Variants in ANXA10 observed in about 807,000 individuals in gnomAD.
ANXA10 encodes annexin A10, also known as annexin 14.
In ANXA10, 49 loss-of-function variants were observed where a neutral mutation model predicts 53.5. The ratio of observed to expected loss-of-function variants is 0.92; its 90% CI spans 0.73 to 1.16. ANXA10 has a LOEUF of 1.16. Among genes scored for constraint, ANXA10 ranks in the 50% most tolerant of loss-of-function variants. ANXA10 has a pLI of 0.00. For synonymous variants in ANXA10, 131 were observed against 128.9 expected (o/e 1.02, Z -0.11); for missense variants, 393 against 394.4 (o/e 1.00, Z 0.03).
chr4:168,121,196 T>G (rs986727349), intron 1 of ANXA10, among the ~76,000 whole-genome samples: 11 of 152,090 alleles, frequency 7.2e-5, no homozygotes, highest in African/African-American at 2.7e-4. Context: ...AGTAAACATA[T>G]GTCTTTTATA....
intron 2 of ANXA10, among the ~76,000 whole-genome samples, chr4:168,132,727 C>A (rs958475062): frequency 3.3e-5 from 5 of 151,942 alleles, no homozygotes; most frequent in Non-Finnish European, 1.5e-5. Flanking sequence ...ATAAAAACAT[C>A]TTGTGTACCC....
intron 3 of ANXA10, among the ~76,000 whole-genome samples, chr4:168,146,204 T>C (rs1438892739): frequency 6.6e-6 from 1 of 152,160 alleles, no homozygotes; most frequent in African/African-American, 2.4e-5. Context: ...CCACCATGCC[T>C]GGCCTTGAGT....
In ANXA10 at chr4:168,177,896, T is replaced by G; in HGVS notation, c.541T>G (p.Trp181Gly). ...AMAAQDAMVL[W>G]EACQQKTGEH... is the part of the protein sequence containing the mutation. ...CTGCTGGCTAATGTTCCAGGTCCTA[T>G]GGGAAGCCTGTCAGCAGAAGACGGG... is the stretch of plus-strand genomic sequence containing the variant. The change falls in exon 8 of 12, where the codon TGG becomes GGG. Residue 181 changes from tryptophan to glycine, a missense_variant. Physicochemically the swap from Trp to Gly is radical, Grantham distance 184. Coordinates refer to ENST00000359299, the MANE Select transcript of ANXA10 (RefSeq NM_007193.5). The G allele has an allele frequency of 6.2e-7, 1 of 1,614,158 alleles. No homozygotes were observed. The highest frequency in any genetic ancestry group is 8.5e-7 in the Non-Finnish European group (1 of 1,180,010).
chr4:168,164,998 A>C (rs534774699), intron 5 of ANXA10, among the ~76,000 whole-genome samples: 1 of 152,310 alleles, frequency 6.6e-6, no homozygotes, highest in South Asian at 2.1e-4. Flanking sequence ...AGAATCAGAG[A>C]ATGTGAAATG....
At chr4:168,186,222 C>T (rs1732366522) in intron 11 of ANXA10, among the ~76,000 whole-genome samples, 1 of 152,106 alleles carries the variant, frequency 6.6e-6, no homozygotes, top group African/African-American at 2.4e-5. Context: ...TGATACTTAA[C>T]AAAGAAACAT....
intron 3 of ANXA10, among the ~76,000 whole-genome samples, chr4:168,155,838 TATATA>T (rs559187694): frequency 0.057 from 430 of 7,482 alleles, 100 homozygotes; most frequent in African/African-American, 0.18. Flanking sequence ...TGATATATCA[TATATA>T]ATATAATATA....
At chr4:168,121,118 A>T (rs1730978585) in intron 1 of ANXA10, among the ~76,000 whole-genome samples, 1 of 152,026 alleles carries the variant, frequency 6.6e-6, no homozygotes, top group Non-Finnish European at 1.5e-5. Context: ...ATAATTTTTA[A>T]TTCTGAGTAG....
intron 3 of ANXA10, among the ~76,000 whole-genome samples, chr4:168,153,454 CAAAACAA>C (rs1560782338): frequency 5.9e-5 from 2 of 33,776 alleles, no homozygotes; most frequent in South Asian, 9.5e-4. Flanking sequence ...AAAACAAAAA[CAAAACAA>C]AAAAAAAAAC....
chr4:168,136,967 T>C (rs1417931539), intron 2 of ANXA10, among the ~76,000 whole-genome samples: 6 of 152,238 alleles, frequency 3.9e-5, no homozygotes, highest in Non-Finnish European at 7.3e-5. Context: ...GTCCATGCAC[T>C]CACAGACTTA....
At chr4:168,155,794 A>AATATATAATATATGATATATTATATATG (rs1731624880) in intron 3 of ANXA10, among the ~76,000 whole-genome samples, 1 of 25,054 alleles carries the variant, frequency 4.0e-5, no homozygotes, top group African/African-American at 1.8e-4. Flanking sequence ...TATTATATAT[A>AATATATAATATATGATATATTATATATG]ATATATAATA....
intron 6 of ANXA10, among the ~76,000 whole-genome samples, chr4:168,166,006 A>G (rs1401122803): frequency 1.3e-5 from 2 of 152,216 alleles, no homozygotes; most frequent in African/African-American, 4.8e-5. Flanking sequence ...TAAAACTGCT[A>G]CATGGGCTTA....
At chr4:168,103,368 T>G (rs1384015073) in intron 1 of ANXA10, among the ~76,000 whole-genome samples, 1 of 151,950 alleles carries the variant, frequency 6.6e-6, no homozygotes, top group East Asian at 1.9e-4. Context: ...GTCAAGCTTA[T>G]TTTTTTATAT....
chr4:168,127,725 T>C (rs1731091266), intron 1 of ANXA10: 1 of 479,658 alleles, frequency 2.1e-6, no homozygotes, highest in African/African-American at 2.0e-5. Context: ...AGTAAGGCGT[T>C]TGTTTAACAG....
At chr4:168,093,662 G>A (rs931952457) in intron 1 of ANXA10, among the ~76,000 whole-genome samples, 1 of 152,162 alleles carries the variant, frequency 6.6e-6, no homozygotes, top group South Asian at 2.1e-4. Context: ...GGGCGACAGA[G>A]CGAGACTCCA....
rs555512668 is a variant in ANXA10 at position 168,166,017 on chromosome 4, G to A, written c.480+691G>A. Among the ~76,000 whole-genome samples the A allele has an allele frequency of 9.8e-5, 15 of 152,304 alleles. No homozygotes were observed. The East Asian group carries it at 2.7e-3, about 27-fold the overall frequency. On this transcript the variant is annotated intron_variant, in intron 6 of 11. Transcript: ENST00000359299. ...TTTTTAAAACTGCTACATGGGCTTAGCGCACACTAACATTTCTGAGCTCCT... is the reference window on the plus strand; with the variant it reads ...TTTTTAAAACTGCTACATGGGCTTAACGCACACTAACATTTCTGAGCTCCT...
At chr4:168,181,835 C>A in intron 10 of ANXA10, 94 bp downstream of exon 10, 2 of 959,996 alleles carry the variant, frequency 2.1e-6, no homozygotes, top group South Asian at 1.4e-5. Context: ...TGTTCATTAC[C>A]ATTTTTGAAC....
chr4:168,135,387 C>T (rs2149471258), intron 2 of ANXA10, among the ~76,000 whole-genome samples: 1 of 152,264 alleles, frequency 6.6e-6, no homozygotes, highest in South Asian at 2.1e-4. Context: ...TGTCAAACTG[C>T]AAGAGGCTGG....
intron 1 of ANXA10, among the ~76,000 whole-genome samples, chr4:168,123,783 T>C (rs1034691551): frequency 1.3e-5 from 2 of 151,960 alleles, no homozygotes; most frequent in Non-Finnish European, 2.9e-5. Context: ...CTCATTCTTT[T>C]CCCCAACTTC....
At chr4:168,185,402 A>C (rs1732349937) in intron 11 of ANXA10, among the ~76,000 whole-genome samples, 1 of 152,240 alleles carries the variant, frequency 6.6e-6, no homozygotes, top group Non-Finnish European at 1.5e-5. Context: ...CATAGAAGGC[A>C]GGGCAGTCAG....
Sources: gnomAD v4.1 joint callset for allele counts (sites outside exome capture counted in the v4.1 genomes callset) on GRCh38, gnomAD v4.1.1 for gene constraint, MANE v1.5 for transcripts, NCBI Gene and HGNC (gene_info 2026-07-23, HGNC 2026-07-21) for gene names.